The following CDIN1 variants were observed in gnomAD, a reference collection of about 807,000 sequenced individuals.
The protein encoded by CDIN1 is CDAN1-interacting nuclease 1.
CDIN1 carries 33 observed loss-of-function variants against 45.3 expected under a neutral mutation model. The ratio of observed to expected loss-of-function variants is 0.73; its 90% confidence interval spans 0.55 to 0.97. The LOEUF (loss-of-function observed/expected upper bound fraction) is 0.97, where lower values mean the gene tolerates loss of function less well. Ranked by LOEUF, CDIN1 falls within the 50% of genes least tolerant of loss-of-function variation. CDIN1 has a pLI of 0.00. For synonymous variants in CDIN1, 118 were observed against 124.4 expected (o/e 0.95, Z 0.34); for missense variants, 303 against 339.4 (o/e 0.89, Z 0.84).
At chr15:36,690,361 C>T (rs1193670598) in intron 5 of CDIN1, among the ~76,000 whole-genome samples, 7 of 151,904 alleles carry the variant, frequency 4.6e-5, no homozygotes, top group South Asian at 2.1e-4. Flanking sequence ...CTCCGCCTCC[C>T]GGGTTCATGC....
At chr15:36,610,802 A>G in intron 1 of CDIN1, among the ~76,000 whole-genome samples, 1 of 152,178 alleles carries the variant, frequency 6.6e-6, no homozygotes, top group Non-Finnish European at 1.5e-5. Context: ...AATATTTAAT[A>G]TTGGCAATTT....
chr15:36,646,563 A>T (rs959278764), intron 3 of CDIN1, among the ~76,000 whole-genome samples: 1 of 152,188 alleles, frequency 6.6e-6, no homozygotes, highest in African/African-American at 2.4e-5. Flanking sequence ...TCATAGCCTA[A>T]ATTATACATA....
intron 10 of CDIN1, chr15:36,734,399 ATT>A (rs5811933): frequency 0.09 from 34,736 of 387,366 alleles, 1,863 homozygotes; most frequent in Non-Finnish European, 0.12. Context: ...AACTTTTATA[ATT>A]TTTTTTTTTA....
chr15:36,663,748 A>C (rs113427667), intron 5 of CDIN1, among the ~76,000 whole-genome samples: 1 of 152,214 alleles, frequency 6.6e-6, no homozygotes, highest in Non-Finnish European at 1.5e-5. Context: ...GAAGGAGAGT[A>C]CTATTACAGA....
At position 36,709,247 on chromosome 15, in the gene CDIN1, G is replaced by A. The variant is rs753140371; in HGVS notation, c.569G>A (p.Gly190Asp). 5.0e-6 allele frequency: 8 copies of A among 1,603,606 alleles called. No individual in the cohort carries two copies. Among genetic ancestry groups the A allele is most frequent in the South Asian group, 1.1e-5 (1 of 89,008 alleles). Residue 190 changes from glycine to aspartate, a missense_variant, in exon 9 of 11, where the codon GGT becomes GAT. Gly to Asp is a moderately conservative substitution (Grantham distance 94, BLOSUM62 -1). Transcript: ENST00000566621. ...GATGAAGATCAGCTTCGTGCAAAGG[G>A]TTATGACAAAACACCAGACTTCATT... ...FLDEDQLRAK[G>D]YDKTPDFILQ... is the part of the protein sequence containing the mutation.
At chr15:36,678,129 T>G (rs939412562) in intron 5 of CDIN1, among the ~76,000 whole-genome samples, 4 of 152,226 alleles carry the variant, frequency 2.6e-5, no homozygotes, top group African/African-American at 4.8e-5. Flanking sequence ...TTAAAAGATA[T>G]TTCTTATTCA....
At chr15:36,742,796 G>T (rs922016838) in intron 10 of CDIN1, among the ~76,000 whole-genome samples, 1 of 152,196 alleles carries the variant, frequency 6.6e-6, no homozygotes, top group African/African-American at 2.4e-5. Flanking sequence ...AGGCAATAAA[G>T]ATAAAAGATA....
intron 1 of CDIN1, among the ~76,000 whole-genome samples, chr15:36,590,474 G>A (rs74795639): frequency 6.6e-6 from 1 of 152,176 alleles, no homozygotes; most frequent in African/African-American, 2.4e-5. Context: ...AATGAAATAT[G>A]TAAGTACTTG....
At chr15:36,770,352 G>A (rs2054039194) in intron 10 of CDIN1, among the ~76,000 whole-genome samples, 1 of 151,946 alleles carries the variant, frequency 6.6e-6, no homozygotes, top group African/African-American at 2.4e-5. Context: ...ACAAAGGAAG[G>A]AGGGAGGGAG....
chr15:36,717,072 C>G (rs746920624), intron 10 of CDIN1, among the ~76,000 whole-genome samples: 1 of 152,180 alleles, frequency 6.6e-6, no homozygotes, highest in Non-Finnish European at 1.5e-5. Flanking sequence ...CCCTCTCCAG[C>G]ATACAAGTTT....
chr15:36,607,483 C>T (rs1566828747), intron 1 of CDIN1, among the ~76,000 whole-genome samples: 1 of 152,076 alleles, frequency 6.6e-6, no homozygotes, highest in East Asian at 1.9e-4. Context: ...TAGCTTACTT[C>T]ATATGATCTA....
chr15:36,624,717 G>C (rs1271222157), intron 1 of CDIN1, among the ~76,000 whole-genome samples: 2 of 152,068 alleles, frequency 1.3e-5, no homozygotes, highest in African/African-American at 4.8e-5. Flanking sequence ...TGGGATGGGA[G>C]TAAGAAGCAG....
At chr15:36,582,207 T>C (rs561491938) in intron 1 of CDIN1, among the ~76,000 whole-genome samples, 147 of 152,348 alleles carry the variant, frequency 9.6e-4, no homozygotes, top group South Asian at 1.4e-3. Flanking sequence ...TAATATACTT[T>C]GTTATCATTA....
intron 1 of CDIN1, chr15:36,618,758 A>G: frequency 1.4e-6 from 1 of 717,980 alleles, no homozygotes; most frequent in East Asian, 2.6e-5. Context: ...AGCACAACTC[A>G]GCCAAAAAAA....
intron 8 of CDIN1, among the ~76,000 whole-genome samples, chr15:36,700,134 AG>A (rs2042580717): frequency 6.6e-6 from 1 of 152,142 alleles, no homozygotes; most frequent in South Asian, 2.1e-4. Context: ...AATTTCTAAC[AG>A]TTTCTGAGAG....
intron 10 of CDIN1, among the ~76,000 whole-genome samples, chr15:36,722,734 A>G (rs2043471869): frequency 6.6e-6 from 1 of 152,164 alleles, no homozygotes; most frequent in South Asian, 2.1e-4. Context: ...GCCTGTGCTC[A>G]TTCTCTTCTC....
intron 10 of CDIN1, among the ~76,000 whole-genome samples, chr15:36,759,531 TG>T (rs1176942654): frequency 1.3e-5 from 2 of 152,216 alleles, no homozygotes; most frequent in Non-Finnish European, 2.9e-5. Context: ...GTGCTTTTTT[TG>T]TAATACATTA....
At chr15:36,682,989 C>T (rs1323865140) in intron 5 of CDIN1, among the ~76,000 whole-genome samples, 1 of 152,098 alleles carries the variant, frequency 6.6e-6, no homozygotes, top group Non-Finnish European at 1.5e-5. Flanking sequence ...AAGTAACAGT[C>T]ATTGAGCAGC....
At chr15:36,647,926 G>A (rs1177808482) in intron 3 of CDIN1, among the ~76,000 whole-genome samples, 2 of 148,278 alleles carry the variant, frequency 1.3e-5, no homozygotes, top group Non-Finnish European at 3.0e-5. Context: ...TGCAAACTCC[G>A]CCTCCCGGGC....
Sources: allele counts gnomAD v4.1 joint callset (sites outside exome capture counted in the v4.1 genomes callset), GRCh38; gene constraint gnomAD v4.1.1; transcripts MANE v1.5; gene names NCBI Gene and HGNC (gene_info 2026-07-23, HGNC 2026-07-21).